TPRG1: variants seen among roughly 807,000 people sequenced by gnomAD.
The protein encoded by TPRG1 is tumor protein p63 regulated 1.
TPRG1 carries 29 observed loss-of-function variants against 29.3 expected under a neutral mutation model. The observed-to-expected ratio is 0.99, with a 90% confidence interval of 0.74 to 1.35. TPRG1 has a LOEUF of 1.35. Ranked by LOEUF, TPRG1 falls within the 40% of genes most tolerant of loss-of-function variation. The pLI, the probability that TPRG1 is intolerant of heterozygous loss-of-function variation, is 0.00. For synonymous variants in TPRG1, 130 were observed against 116.8 expected (o/e 1.11, Z -0.73); for missense variants, 327 against 335.0 (o/e 0.98, Z 0.19).
chr3:189,089,878 A>G (rs1204885911), intron 4 of TPRG1, among the ~76,000 whole-genome samples: 4 of 152,040 alleles, frequency 2.6e-5, no homozygotes, highest in African/African-American at 4.8e-5. Context: ...TGATAATAAT[A>G]TTTTTTATTT....
chr3:189,267,990 G>A (rs1299897063), intron 4 of TPRG1, among the ~76,000 whole-genome samples: 1 of 152,102 alleles, frequency 6.6e-6, no homozygotes, highest in Non-Finnish European at 1.5e-5. Context: ...GAAATGAGAG[G>A]TTACATATAA....
chr3:189,315,293 T>C (rs1332090385), intron 5 of TPRG1, among the ~76,000 whole-genome samples: 1 of 151,648 alleles, frequency 6.6e-6, no homozygotes, highest in Non-Finnish European at 1.5e-5. Context: ...TGTGTGTGTG[T>C]GTGTGTGTGT....
At chr3:189,165,713 A>C (rs935121139) in intron 5 of TPRG1, among the ~76,000 whole-genome samples, 5 of 149,186 alleles carry the variant, frequency 3.4e-5, no homozygotes, top group Non-Finnish European at 5.9e-5. Flanking sequence ...TGCTCACTGC[A>C]CTGGGGGTGG....
intron 4 of TPRG1, among the ~76,000 whole-genome samples, chr3:189,283,411 T>C (rs994990640): frequency 6.6e-6 from 1 of 152,218 alleles, no homozygotes; most frequent in Non-Finnish European, 1.5e-5. Flanking sequence ...TGTCATCTCT[T>C]TTATATCAGT....
chr3:189,303,431 C>A (rs1721143213), intron 4 of TPRG1, among the ~76,000 whole-genome samples: 1 of 152,088 alleles, frequency 6.6e-6, no homozygotes, highest in African/African-American at 2.4e-5. Context: ...AGACACTATC[C>A]AATCCAGTGC....
intron 1 of TPRG1, among the ~76,000 whole-genome samples, chr3:189,200,521 A>G (rs1256553113): frequency 6.6e-6 from 1 of 152,206 alleles, no homozygotes; most frequent in Non-Finnish European, 1.5e-5. Flanking sequence ...TATCAGCATG[A>G]GAAAACACAG....
At chr3:189,283,121 C>T (rs963548759) in intron 4 of TPRG1, among the ~76,000 whole-genome samples, 4 of 152,180 alleles carry the variant, frequency 2.6e-5, no homozygotes, top group East Asian at 1.9e-4. Context: ...GTCTGAGTTA[C>T]GTAGCCCATA....
chr3:189,273,644 G>C (rs575555907), intron 4 of TPRG1, among the ~76,000 whole-genome samples: 1 of 152,154 alleles, frequency 6.6e-6, no homozygotes, highest in Non-Finnish European at 1.5e-5. Flanking sequence ...TTCCAAAAAA[G>C]CAGTGAATGC....
chr3:189,120,548 G>T lies in TPRG1; in HGVS notation c.-743-6509G>T, dbSNP rs546328087. On this transcript the variant is annotated intron_variant, in intron 1 of 6. Coordinates refer to the TPRG1 transcript ENST00000412373. ...GAAGAATACTGACATTTAAAAAAATGCTTATAATAATGTGTGTTAAGTGCT... is the reference window on the plus strand; with the variant it reads ...GAAGAATACTGACATTTAAAAAAATTCTTATAATAATGTGTGTTAAGTGCT... Among the ~76,000 whole-genome samples the T allele has an allele frequency of 3.3e-5, 5 of 152,306 alleles. No individual in the cohort carries two copies. The South Asian group carries it at 1.0e-3, about 32-fold the overall frequency.
At chr3:189,127,181 C>A (rs1032373548) in exon 2 of TPRG1, 3 of 152,142 alleles carry the variant, frequency 2.0e-5, no homozygotes, top group Non-Finnish European at 4.4e-5. Flanking sequence ...TACAGAAGAT[C>A]CTTGATAATA....
At chr3:189,219,675 G>A (rs1418443418) in intron 3 of TPRG1, 1 of 1,282,474 alleles carries the variant, frequency 7.8e-7, no homozygotes, top group African/African-American at 1.5e-5. Context: ...ATGTACTTGA[G>A]GTGTCTTTGT....
chr3:189,320,063 T>G (rs1285285525), intron 5 of TPRG1, among the ~76,000 whole-genome samples: 1 of 152,160 alleles, frequency 6.6e-6, no homozygotes, highest in Non-Finnish European at 1.5e-5. Flanking sequence ...TACCACATTC[T>G]ATTTTCCTTC....
chr3:189,179,450 CT>C (rs961539696), intron 1 of TPRG1, among the ~76,000 whole-genome samples: 1 of 152,142 alleles, frequency 6.6e-6, no homozygotes, highest in African/African-American at 2.4e-5. Flanking sequence ...TGGTGTGTCT[CT>C]AGTGGTTTGC....
At chr3:189,098,217 A>G (rs530723276), upstream of TPRG1, among the ~76,000 whole-genome samples, 1 of 152,150 alleles carries the variant, frequency 6.6e-6, no homozygotes, top group Non-Finnish European at 1.5e-5. Context: ...GAAGATAAAA[A>G]ATATGAGAAT....
chr3:189,203,770 G>A (rs1171305667), intron 1 of TPRG1, among the ~76,000 whole-genome samples: 1 of 152,142 alleles, frequency 6.6e-6, no homozygotes, highest in Admixed American at 6.5e-5. Flanking sequence ...GGCTGGGCAA[G>A]GTGGCTCATG....
chr3:189,052,558 A>T (rs1289785881), intron 4 of TPRG1, among the ~76,000 whole-genome samples: 3 of 152,208 alleles, frequency 2.0e-5, no homozygotes, highest in African/African-American at 7.2e-5. Context: ...CTGAAAGTAG[A>T]ACTACCATTT....
chr3:189,201,672 G>T (rs746252075), intron 1 of TPRG1, among the ~76,000 whole-genome samples: 4 of 151,654 alleles, frequency 2.6e-5, no homozygotes, highest in Non-Finnish European at 5.9e-5. Flanking sequence ...TTTTGAAATG[G>T]AGTCTTGCTC....
chr3:189,275,337 T>G lies in TPRG1; in HGVS notation c.480-35049T>G, dbSNP rs115882013. The stretch of plus-strand genomic sequence containing the variant: ...AGTTCCTGCTATAACTACTACATGC[T>G]CTAGTAGCAAGGATAAGTCAAGTAT... On this transcript the variant is annotated intron_variant, in intron 4 of 5. Transcript: ENST00000345063. Among the ~76,000 whole-genome samples the G allele has an allele frequency of 6.0e-3, 920 of 152,262 alleles. 3 individuals carry two copies. The highest frequency in any genetic ancestry group is 0.011 in the Non-Finnish European group (738 of 68,020).
chr3:189,295,491 G>T, intron 4 of TPRG1, among the ~76,000 whole-genome samples: 2 of 91,876 alleles, frequency 2.2e-5, no homozygotes, highest in African/African-American at 9.2e-5. Context: ...GTACTACTCA[G>T]ATTGCAAAAA....
Sources: allele counts gnomAD v4.1 joint callset (sites outside exome capture counted in the v4.1 genomes callset), GRCh38; gene constraint gnomAD v4.1.1; transcripts MANE v1.5; gene names NCBI Gene and HGNC (gene_info 2026-07-23, HGNC 2026-07-21).